ADGRL2: variants seen among roughly 807,000 people sequenced by gnomAD.
ADGRL2 encodes the protein adhesion G protein-coupled receptor L2.
Under a neutral mutation model 157.4 loss-of-function variants are expected in ADGRL2, and 44 were observed. The observed-to-expected ratio is 0.28, with a 90% confidence interval of 0.22 to 0.36. The LOEUF is 0.36. ADGRL2 is among the 10% of genes least tolerant of loss of function. The pLI, the probability that ADGRL2 is intolerant of heterozygous loss-of-function variation, is 1.00. For synonymous variants in ADGRL2, 585 were observed against 624.7 expected, an observed-to-expected ratio of 0.94 and a Z score of 0.95; for missense variants, 1,510 against 1,768.9, an observed-to-expected ratio of 0.85 and a Z score of 2.63.
intron 2 of ADGRL2, among the ~76,000 whole-genome samples, chr1:81,577,233 G>A (rs2080815937): frequency 6.6e-6 from 1 of 152,120 alleles, no homozygotes; most frequent in Non-Finnish European, 1.5e-5. Context: ...GGTAGCATGC[G>A]ACTCTTGATA....
intron 2 of ADGRL2, among the ~76,000 whole-genome samples, chr1:81,516,208 C>A (rs910332452): frequency 6.6e-6 from 1 of 152,032 alleles, no homozygotes; most frequent in Non-Finnish European, 1.5e-5. Flanking sequence ...AATATGTTTA[C>A]AAAAATAGCA....
chr1:81,851,272 G>T (rs1023558763), intron 2 of ADGRL2, among the ~76,000 whole-genome samples: 1 of 151,872 alleles, frequency 6.6e-6, no homozygotes, highest in Non-Finnish European at 1.5e-5. Flanking sequence ...GTCAGCTAAC[G>T]TTGGCTTCTC....
At chr1:81,650,293 C>CG (rs2082389158) in intron 3 of ADGRL2, among the ~76,000 whole-genome samples, 1 of 151,894 alleles carries the variant, frequency 6.6e-6, no homozygotes, top group Non-Finnish European at 1.5e-5. Flanking sequence ...AATTGTGGGC[C>CG]GGGCCCCCTG....
At position 81,720,179 on chromosome 1, in the gene ADGRL2, C is replaced by CTTTTTTTTTTTTTTTTTTTTTT. The variant is rs370916970; in HGVS notation, c.-143+20375_-143+20376insTTTTTTTTTTTTTTTTTTTTTT. Among the ~76,000 whole-genome samples, 2 of 138,888 alleles carry CTTTTTTTTTTTTTTTTTTTTTT rather than the reference C, an allele frequency of 1.4e-5. 1 individual carries two copies. Among genetic ancestry groups the CTTTTTTTTTTTTTTTTTTTTTT allele is most frequent in the Non-Finnish European group, 3.1e-5 (2 of 63,640 alleles). 91.1% of individuals were successfully genotyped at this position (138,888 alleles called of 152,430 possible). Reference sequence around the variant, plus strand: ...TGAAATTAAAAGCATTCCTTTTTTTCTTTTCTTTTTTTTTTTTTTTTGAGA... The same window carrying CTTTTTTTTTTTTTTTTTTTTTT: ...TGAAATTAAAAGCATTCCTTTTTTTCTTTTTTTTTTTTTTTTTTTTTTTTTTCTTTTTTTTTTTTTTTTGAGA... On this transcript the variant is annotated intron_variant, in intron 1 of 20. Coordinates refer to the ADGRL2 transcript ENST00000359929.
intron 3 of ADGRL2, among the ~76,000 whole-genome samples, chr1:81,669,523 G>T (rs759710311): frequency 6.6e-6 from 1 of 152,038 alleles, no homozygotes; most frequent in Non-Finnish European, 1.5e-5. Flanking sequence ...AGACAGATAT[G>T]GTCCTTGTCC....
rs1331587736 is a variant in ADGRL2 at position 81,642,242 on chromosome 1, T to C, written c.-143+61262T>C. On this transcript the variant is annotated intron_variant, in intron 3 of 24. Coordinates refer to the ADGRL2 transcript ENST00000370721. ...CAGCCTGGGCGACAGAGCGAGACTC[T>C]GTCTCCAAAAAAAAAAAAAAAAAAA... 6.6e-5 allele frequency among the ~76,000 whole-genome samples: 9 copies of C among 137,086 alleles called. No individual in the cohort carries two copies. The East Asian group carries it at 1.7e-3, about 26-fold the overall frequency. 89.9% of individuals were successfully genotyped at this position (137,086 alleles called of 152,430 possible).
At chr1:81,489,679 T>C (rs1225052548) in intron 2 of ADGRL2, among the ~76,000 whole-genome samples, 1 of 152,206 alleles carries the variant, frequency 6.6e-6, no homozygotes, top group African/African-American at 2.4e-5. Context: ...ATTAAACTTT[T>C]GATTGAAAGA....
rs1386746962 is a variant in ADGRL2 at position 81,953,022 on chromosome 1, T to C, written c.1830T>C (p.Leu610=). The change falls in exon 10 of 24, where the codon CTT becomes CTC. Residue 610 remains leucine (L), a synonymous_variant. Transcript: ENST00000686636. ...GAGAGAAGACATGCAGGGCTTACCT[T>C]AAGGTATCTCTCCTGTGCTGTCACC... ...QKREKTCRAY[L]KAIVDTVDNL... The C allele has an allele frequency of 6.2e-7, 1 of 1,611,734 alleles. No individual in the cohort carries two copies. The highest frequency in any genetic ancestry group is 1.1e-5 in the South Asian group (1 of 91,032).
intron 1 of ADGRL2, among the ~76,000 whole-genome samples, chr1:81,378,238 G>T (rs1477617567): frequency 2.0e-5 from 3 of 151,948 alleles, no homozygotes. Flanking sequence ...CAGTGATAAA[G>T]AGCAGGTTTT....
chr1:81,436,343 T>C (rs567538895), intron 1 of ADGRL2, among the ~76,000 whole-genome samples: 8 of 152,310 alleles, frequency 5.3e-5, no homozygotes, highest in Non-Finnish European at 1.0e-4. Flanking sequence ...CTGACGGGTT[T>C]GATACCAGAT....
In ADGRL2 at chr1:81,737,303, AC is replaced by A. The variant is rs1425585401; in HGVS notation, c.-142-24507del. On this transcript the variant is annotated intron_variant, in intron 1 of 20. Coordinates refer to the ADGRL2 transcript ENST00000359929. ...GAGCATGGCTAGGAGGCCTCAGGAA[AC>A]TTACAATCATGGCAGAAGGGTGAAG... is the stretch of plus-strand genomic sequence containing the variant. 3.7e-4 allele frequency among the ~76,000 whole-genome samples: 56 copies of A among 152,324 alleles called. 3 individuals carry two copies. Among genetic ancestry groups the A allele is most frequent in the African/African-American group, 1.3e-3 (54 of 41,578 alleles).
At chr1:81,815,290 A>T (rs11163380) in intron 1 of ADGRL2, among the ~76,000 whole-genome samples, 44,476 of 151,594 alleles carry the variant, frequency 0.29, 7,082 homozygotes, top group Middle Eastern at 0.5. Flanking sequence ...GCCTTAACTA[A>T]AAAGTTAGCT....
intron 1 of ADGRL2, among the ~76,000 whole-genome samples, chr1:81,702,005 C>T (rs1256755964): frequency 6.6e-6 from 1 of 152,194 alleles, no homozygotes; most frequent in Non-Finnish European, 1.5e-5. Flanking sequence ...CTCTGATATT[C>T]TTTCAACCCT....
At chr1:81,552,616 A>C (rs1485461544) in intron 2 of ADGRL2, among the ~76,000 whole-genome samples, 1 of 151,322 alleles carries the variant, frequency 6.6e-6, no homozygotes, top group Non-Finnish European at 1.5e-5. Flanking sequence ...AAAAAAAAAA[A>C]AAAAAAAACA....
intron 3 of ADGRL2, among the ~76,000 whole-genome samples, chr1:81,619,731 A>ATGTGTG (rs34153343): frequency 6.7e-6 from 1 of 149,446 alleles, no homozygotes; most frequent in Non-Finnish European, 1.5e-5. Flanking sequence ...GGGTGTGTGT[A>ATGTGTG]TGTGTGTGTG....
intron 1 of ADGRL2, among the ~76,000 whole-genome samples, chr1:81,406,944 C>T (rs1456095935): frequency 6.6e-6 from 1 of 152,126 alleles, no homozygotes. Flanking sequence ...ATTGAGAATA[C>T]TGGTGTTTTA....
At chr1:81,818,019 TA>T in intron 1 of ADGRL2, among the ~76,000 whole-genome samples, 1 of 151,778 alleles carries the variant, frequency 6.6e-6, no homozygotes, top group African/African-American at 2.4e-5. Context: ...AAAAAATAAA[TA>T]AATAAATAGC....
chr1:81,457,549 A>G (rs2077832476), intron 2 of ADGRL2, among the ~76,000 whole-genome samples: 1 of 152,208 alleles, frequency 6.6e-6, no homozygotes, highest in African/African-American at 2.4e-5. Flanking sequence ...ATTATTGACT[A>G]ATAACCAAAG....
chr1:81,752,087 G>A (rs2085507561), intron 1 of ADGRL2, among the ~76,000 whole-genome samples: 1 of 152,188 alleles, frequency 6.6e-6, no homozygotes, highest in African/African-American at 2.4e-5. Flanking sequence ...AAGAGGTGAG[G>A]CCTTTGGGAG....
Sources: allele counts gnomAD v4.1 joint callset (sites outside exome capture counted in the v4.1 genomes callset), GRCh38; gene constraint gnomAD v4.1.1; transcripts MANE v1.5; gene names NCBI Gene and HGNC (gene_info 2026-07-23, HGNC 2026-07-21).